Variants in FLT3 observed in about 807,000 individuals in gnomAD.
FLT3 encodes fms related receptor tyrosine kinase 3, also known as receptor-type tyrosine-protein kinase FLT3.
A neutral mutation model predicts 126.6 loss-of-function variants in FLT3; 46 were observed. That is an observed-to-expected ratio of 0.36 (90% CI 0.29 to 0.46). FLT3 has a LOEUF of 0.46. FLT3 is among the 20% of genes least tolerant of loss of function. The pLI is 1.00. For synonymous variants in FLT3, 404 were observed against 434.4 expected, an observed-to-expected ratio of 0.93 and a Z score of 0.87; for missense variants, 1,069 against 1,190.3, an observed-to-expected ratio of 0.90 and a Z score of 1.50.
At chr13:28,034,030 T>C (rs1456862035) in intron 14 of FLT3, 39 bp from the exon 15 acceptor site, 5 of 1,613,482 alleles carry the variant, frequency 3.1e-6, no homozygotes, top group Admixed American at 1.7e-5. Context: ...TTTTAAAGAT[T>C]TTCCAATGGA....
chr13:28,095,308 G>A (rs775597442), intron 1 of FLT3, among the ~76,000 whole-genome samples: 9 of 151,718 alleles, frequency 5.9e-5, no homozygotes, highest in African/African-American at 9.7e-5. Context: ...AAGGAGTCTC[G>A]CTCTGTCTCC....
At position 28,024,844 on chromosome 13, in the gene FLT3, T is replaced by C. The variant is rs372943839; in HGVS notation, c.2290+17A>G. 6.6e-7 allele frequency: 1 copy of C among 1,522,394 alleles called. No individual in the cohort carries two copies. Among genetic ancestry groups the C allele is most frequent in the Non-Finnish European group, 9.0e-7 (1 of 1,106,776 alleles). 94.3% of individuals were successfully genotyped at this position (1,522,394 alleles called of 1,614,324 possible). On this transcript the variant is annotated intron_variant, in intron 18 of 23. Coordinates refer to ENST00000241453, the MANE Select transcript of FLT3 (RefSeq NM_004119.3). The stretch of plus-strand genomic sequence containing the variant: ...CATTTCCATTTTAAAGTGCTACTAC[T>C]TAGAATAAAATATTACCTTCAGAGT...
chr13:28,058,121 G>T (rs1483851056), intron 3 of FLT3, among the ~76,000 whole-genome samples: 1 of 150,436 alleles, frequency 6.6e-6, no homozygotes, highest in Non-Finnish European at 1.5e-5. Flanking sequence ...AACTTTGGGA[G>T]GCCAAGGCTG....
chr13:28,054,734 A>G (rs1875852798), intron 4 of FLT3, among the ~76,000 whole-genome samples: 1 of 152,166 alleles, frequency 6.6e-6, no homozygotes, highest in Non-Finnish European at 1.5e-5. Context: ...AAGAAGTCTT[A>G]CCCTTGAATC....
chr13:28,025,346 C>A (rs991892560), intron 17 of FLT3: 4 of 446,054 alleles, frequency 9.0e-6, no homozygotes, highest in Non-Finnish European at 1.8e-5. Context: ...CAGATCTTCC[C>A]GAGAGTCCCG....
At chr13:28,055,362 G>T (rs985925703) in intron 4 of FLT3, among the ~76,000 whole-genome samples, 2 of 152,130 alleles carry the variant, frequency 1.3e-5, no homozygotes, top group Admixed American at 6.6e-5. Flanking sequence ...CTAATTTAAA[G>T]AATTCCAAGT....
intron 23 of FLT3, among the ~76,000 whole-genome samples, chr13:28,013,298 C>G (rs1433923719): frequency 6.6e-6 from 1 of 152,196 alleles, no homozygotes; most frequent in Non-Finnish European, 1.5e-5. Context: ...TTATATTTAA[C>G]TAACATTTTA....
At chr13:28,029,495 A>C (rs1447851091) in intron 15 of FLT3, among the ~76,000 whole-genome samples, 1 of 152,200 alleles carries the variant, frequency 6.6e-6, no homozygotes, top group Non-Finnish European at 1.5e-5. Flanking sequence ...CAAAATAAAA[A>C]TCCTTACAGT....
intron 23 of FLT3, among the ~76,000 whole-genome samples, chr13:28,009,718 G>A (rs892572412): frequency 1.3e-5 from 2 of 151,946 alleles, no homozygotes; most frequent in East Asian, 1.9e-4. Context: ...GCACCACCAC[G>A]CCTGGCTAAT....
intron 16 of FLT3, among the ~76,000 whole-genome samples, chr13:28,027,693 C>T (rs543226567): frequency 6.6e-6 from 1 of 152,192 alleles, no homozygotes; most frequent in Non-Finnish European, 1.5e-5. Flanking sequence ...AAAGAATGAA[C>T]CTTGGGCACA....
chr13:28,046,013 GA>G (rs1306083628), intron 9 of FLT3, among the ~76,000 whole-genome samples: 2 of 151,596 alleles, frequency 1.3e-5, no homozygotes, highest in African/African-American at 4.9e-5. Context: ...GTCACACTGG[GA>G]AAAGGGAATG....
chr13:28,044,703 T>C (rs1006762915), intron 9 of FLT3, among the ~76,000 whole-genome samples: 2 of 152,176 alleles, frequency 1.3e-5, no homozygotes, highest in African/African-American at 4.8e-5. Flanking sequence ...ACATTATCAG[T>C]ACCAACAATG....
At chr13:28,084,555 T>A (rs1593300366) in intron 1 of FLT3, among the ~76,000 whole-genome samples, 1 of 152,230 alleles carries the variant, frequency 6.6e-6, no homozygotes, top group East Asian at 1.9e-4. Flanking sequence ...GATGGGGATT[T>A]GCCACCAACC....
intron 23 of FLT3, among the ~76,000 whole-genome samples, chr13:28,008,839 A>T (rs1017880336): frequency 1.3e-5 from 2 of 152,082 alleles, no homozygotes; most frequent in African/African-American, 4.8e-5. Context: ...TTTTTATTAC[A>T]TTGTATTGAG....
intron 1 of FLT3, among the ~76,000 whole-genome samples, chr13:28,087,750 G>A (rs1878767818): frequency 6.6e-6 from 1 of 152,040 alleles, no homozygotes; most frequent in South Asian, 2.1e-4. Flanking sequence ...GATAGTTTCT[G>A]TTGCTATGCC....
chr13:28,081,970 C>T (rs1359327650), intron 1 of FLT3, among the ~76,000 whole-genome samples: 1 of 149,336 alleles, frequency 6.7e-6, no homozygotes, highest in Non-Finnish European at 1.5e-5. Context: ...AATTTTTGTC[C>T]CTTAGCTTCT....
intron 1 of FLT3, among the ~76,000 whole-genome samples, chr13:28,070,844 T>C (rs1288272743): frequency 1.3e-5 from 2 of 152,198 alleles, no homozygotes; most frequent in African/African-American, 4.8e-5. Context: ...ACATGTTCTA[T>C]GCCTGTGCTG....
rs758649164 is a variant in FLT3 at position 28,050,141 on chromosome 13, A to C, written c.696T>G (p.Cys232Trp). ...ATTCCCTGCCCAGTTCATTTCTGGC[A>C]CAGCACCTTATGTCCGTCCCAAATA... ...HELFGTDIRC[C>W]ARNELGRECT... Residue 232 changes from cysteine (C) to tryptophan (W), a missense_variant, in exon 6 of 24, where the codon TGT becomes TGG. Coordinates refer to ENST00000241453, the MANE Select transcript of FLT3 (RefSeq NM_004119.3). The C allele has an allele frequency of 6.2e-7, 1 of 1,614,140 alleles. No individual in the cohort carries two copies. Among genetic ancestry groups the C allele is most frequent in the Non-Finnish European group, 8.5e-7 (1 of 1,179,976 alleles).
At chr13:28,018,803 C>T (rs561832237) in intron 19 of FLT3, among the ~76,000 whole-genome samples, 2 of 152,264 alleles carry the variant, frequency 1.3e-5, no homozygotes, top group Non-Finnish European at 2.9e-5. Context: ...GTTCTTTGTG[C>T]GGCTTCTGAA....
Sources: allele counts gnomAD v4.1 joint callset (sites outside exome capture counted in the v4.1 genomes callset), GRCh38; gene constraint gnomAD v4.1.1; transcripts MANE v1.5; gene names NCBI Gene and HGNC (gene_info 2026-07-23, HGNC 2026-07-21).